The following CD22 variants were observed in gnomAD, a reference collection of about 807,000 sequenced individuals.
CD22 encodes B-cell receptor CD22.
CD22 carries 51 observed loss-of-function variants against 94.7 expected under a neutral mutation model. That is an observed-to-expected ratio of 0.54 (90% CI 0.43 to 0.68). The LOEUF is 0.68. Ranked by LOEUF, CD22 falls within the 30% of genes least tolerant of loss-of-function variation. The probability of loss-of-function intolerance (pLI) is 0.00; values close to 1 mark genes in which losing one functional copy is unlikely to be tolerated. For synonymous variants in CD22, 424 were observed against 422.5 expected (o/e 1.00, Z -0.04); for missense variants, 931 against 1,060.4 (o/e 0.88, Z 1.69).
intron 6 of CD22, among the ~76,000 whole-genome samples, chr19:35,340,500 G>A (rs1263443812): frequency 2.6e-5 from 4 of 152,110 alleles, no homozygotes; most frequent in Non-Finnish European, 4.4e-5. Context: ...GCCAGGTCTC[G>A]AACTCCTGAC....
chr19:35,332,738 C>A lies in CD22; in HGVS notation c.226C>A (p.Leu76Ile). Residue 76 changes from leucine (L) to isoleucine (I), a missense_variant, in exon 3 of 14, where the codon CTC becomes ATC. Transcript: ENST00000085219. Reference sequence around the variant, plus strand: ...CACCTCGAAGTTTGATGGGACAAGACTCTATGAAAGCACAAAGGATGGGAA... The same window carrying A: ...CACCTCGAAGTTTGATGGGACAAGAATCTATGAAAGCACAAAGGATGGGAA... ...KNTSKFDGTR[L>I]YESTKDGKVP... The A allele has an allele frequency of 1.2e-6, 2 of 1,614,168 alleles. No individual in the cohort carries two copies. Among genetic ancestry groups the A allele is most frequent in the African/African-American group, 2.7e-5 (2 of 75,048 alleles).
chr19:35,332,381 G>A (rs530544444), intron 2 of CD22, 166 bp from the exon 3 acceptor site: 120 of 737,812 alleles, frequency 1.6e-4, no homozygotes, highest in Non-Finnish European at 2.4e-4. Context: ...TGAGGCTGAG[G>A]TGGGAGGATC....
chr19:35,338,072 G>C, intron 5 of CD22, 51 bp downstream of exon 5: 1 of 1,578,216 alleles, frequency 6.3e-7, no homozygotes, highest in Non-Finnish European at 8.6e-7. Flanking sequence ...AGCAGGGGTG[G>C]ACCCGGAGAG....
At position 35,338,248 on chromosome 19, in the gene CD22, CTG is replaced by C. The variant is rs1406138630; in HGVS notation, c.1067_1068del (p.Leu356ArgfsTer56). ...GSQVEFLCMS[L>X]ANPLPTNYTW... is the part of the protein sequence containing the mutation. Reference sequence around the variant, plus strand: ...TCAAGTCGAGTTTCTTTGCATGTCACTGGCCAATCCTCTTCCAACAAATTACA... The same window carrying C: ...TCAAGTCGAGTTTCTTTGCATGTCACGCCAATCCTCTTCCAACAAATTACA... On this transcript the variant is annotated frameshift_variant, in exon 6 of 14. Transcript: ENST00000085219. LOFTEE classifies it high-confidence loss of function. 1 of 1,614,262 alleles carries C rather than the reference CTG, an allele frequency of 6.2e-7. No individual in the cohort carries two copies. Among genetic ancestry groups the C allele is most frequent in the Non-Finnish European group, 8.5e-7 (1 of 1,180,044 alleles).
In CD22 at chr19:35,341,305, G is replaced by C. The variant is rs367992182; in HGVS notation, c.1508-38G>C. ...AGGCCTGGGGACAGCAAAAGGGACAGGGAGCGGAGAGGTCAGCTTGGGACC... is the reference window on the plus strand; with the variant it reads ...AGGCCTGGGGACAGCAAAAGGGACACGGAGCGGAGAGGTCAGCTTGGGACC... On this transcript the variant is annotated intron_variant, in intron 7 of 13. Transcript: ENST00000085219. This position sits in a 1 kb window ranked among gnomAD's most constrained non-coding sequence, Gnocchi z 4.0. 7.3e-5 allele frequency: 118 copies of C among 1,605,988 alleles called. 3 individuals carry two copies. In the South Asian group the frequency reaches 1.1e-3, roughly 15 times the overall value.
At chr19:35,336,605 T>A in intron 4 of CD22, 2 of 496,188 alleles carry the variant, frequency 4.0e-6, no homozygotes, top group Non-Finnish European at 3.6e-6. Context: ...GGTGGGGATT[T>A]TTTTCGCATC....
chr19:35,342,105 TTCC>T, intron 9 of CD22, 140 bp downstream of exon 9: 13 of 674,928 alleles, frequency 1.9e-5, no homozygotes, highest in South Asian at 1.4e-4. Context: ...CCTCCTCCTC[TTCC>T]TCCTTCTTCT....
Position 35,346,800 on chromosome 19 carries a change from G to A in CD22, c.*103G>A, listed in dbSNP as rs1388487530. The A allele has an allele frequency of 6.1e-5, 55 of 907,660 alleles. No homozygotes were observed. The highest frequency in any genetic ancestry group is 4.4e-4 in the East Asian group (15 of 34,470). 56.2% of individuals were successfully genotyped at this position (907,660 alleles called of 1,614,324 possible). On this transcript the variant is annotated 3_prime_UTR_variant, in exon 14 of 14. Transcript: ENST00000085219. ...ATGGCTTCCTCCTGCGCGCATGTGC[G>A]CACACACACACACACACGCACACAC... is the stretch of plus-strand genomic sequence containing the variant.
chr19:35,334,551 G>T (rs1156839632), intron 3 of CD22, among the ~76,000 whole-genome samples: 5 of 152,182 alleles, frequency 3.3e-5, no homozygotes, highest in Non-Finnish European at 7.4e-5. Flanking sequence ...ACCGTTTCCC[G>T]GATGGGCAGT....
At chr19:35,334,516 A>G (rs1050957069) in intron 3 of CD22, among the ~76,000 whole-genome samples, 1 of 152,228 alleles carries the variant, frequency 6.6e-6, no homozygotes, top group African/African-American at 2.4e-5. Flanking sequence ...CCCCTGCCAC[A>G]GGGAGTGTGG....
intron 13 of CD22, 113 bp downstream of exon 13, chr19:35,346,348 C>A: frequency 8.9e-7 from 1 of 1,128,750 alleles, no homozygotes; most frequent in Non-Finnish European, 1.3e-6. Flanking sequence ...TCCGTGGTGG[C>A]AGAGGTTGGG....
At position 35,341,811 on chromosome 19, in the gene CD22, C is replaced by T. The variant is rs758739641; in HGVS notation, c.1881C>T (p.Tyr627=). The T allele has an allele frequency of 1.2e-6, 2 of 1,614,016 alleles. No individual in the cohort carries two copies. Among genetic ancestry groups the T allele is most frequent in the East Asian group, 2.2e-5 (1 of 44,886 alleles). The change falls in exon 9 of 14, where the codon TAC becomes TAT. Residue 627 remains tyrosine (Y), a synonymous_variant. Coordinates refer to ENST00000085219, the MANE Select transcript of CD22 (RefSeq NM_001771.4). This position sits in a 1 kb window ranked among gnomAD's most constrained non-coding sequence, Gnocchi z 4.0. ...ACGCCAACCCTCCCGTCTCCCACTA[C>T]ACCTGGTTTGACTGGAATAACCAAA... ...ESDANPPVSH[Y]TWFDWNNQSL...
rs368791394 is a variant in CD22, at chr19:35,332,593, G to A, written c.81G>A (p.Glu27=). ...CTGACTCAAGTAAATGGGTTTTTGA[G>A]CACCCTGAAACCCTCTACGCCTGGG... is the stretch of plus-strand genomic sequence containing the variant. The part of the protein sequence containing the change: ...AFSDSSKWVF[E]HPETLYAWEG... Residue 27 remains glutamate (E), a synonymous_variant, in exon 3 of 14, where the codon GAG becomes GAA. Transcript: ENST00000085219. The A allele has an allele frequency of 3.1e-5, 50 of 1,613,204 alleles. No homozygotes were observed. The highest frequency in any genetic ancestry group is 2.4e-4 in the East Asian group (11 of 44,904).
rs1481898779 is a variant in CD22, at chr19:35,341,715, G to A, written c.1785G>A (p.Arg595=). Residue 595 remains arginine (R), a synonymous_variant, in exon 9 of 14, where the codon AGG becomes AGA. Coordinates refer to ENST00000085219, the MANE Select transcript of CD22 (RefSeq NM_001771.4). The surrounding 1 kb of genome is among the most constrained non-coding windows in gnomAD (Gnocchi z 4.0). ...WTLEVLYAPR[R]LRVSMSPGDQ... ...CCCGCCATGCAGATGCACCCAGGAG[G>A]CTGCGTGTGTCCATGAGCCCGGGGG... The A allele has an allele frequency of 6.2e-7, 1 of 1,610,484 alleles. No homozygotes were observed. Among genetic ancestry groups the A allele is most frequent in the South Asian group, 1.1e-5 (1 of 91,066 alleles).
At chr19:35,338,515 G>T (rs185475553) in intron 6 of CD22, 84 bp downstream of exon 6, 2 of 1,444,072 alleles carry the variant, frequency 1.4e-6, no homozygotes, top group Non-Finnish European at 9.4e-7. Context: ...AGGGCATTCC[G>T]GGGTCCTGGA....
In CD22 at chr19:35,341,636, G is replaced by T. The variant is rs528883783; in HGVS notation, c.1771+30G>T. The T allele has an allele frequency of 6.2e-7, 1 of 1,607,654 alleles. No homozygotes were observed. The highest frequency in any genetic ancestry group is 1.3e-5 in the African/African-American group (1 of 74,886). On this transcript the variant is annotated intron_variant, in intron 8 of 13. Transcript: ENST00000085219. This position sits in a 1 kb window ranked among gnomAD's most constrained non-coding sequence, Gnocchi z 4.0. ...GTGAGGGCCGGAGGCTGGGAGTGGAGCAGAGAAGGGACCAGTGGCCTGCCT... is the reference window on the plus strand; with the variant it reads ...GTGAGGGCCGGAGGCTGGGAGTGGATCAGAGAAGGGACCAGTGGCCTGCCT...
intron 6 of CD22, among the ~76,000 whole-genome samples, chr19:35,340,667 C>A (rs538152263): frequency 1.6e-4 from 25 of 152,348 alleles, no homozygotes; most frequent in Admixed American, 2.6e-4. Flanking sequence ...CAGCGCTGTG[C>A]CCTGAACCCC....
chr19:35,341,852 G>A lies in CD22; in HGVS notation c.1922G>A (p.Ser641Asn), dbSNP rs1213758913. Residue 641 changes from serine (S) to asparagine (N), a missense_variant, in exon 9 of 14, where the codon AGC becomes AAC. Transcript: ENST00000085219. The surrounding 1 kb of genome is among the most constrained non-coding windows in gnomAD (Gnocchi z 4.0). ...DWNNQSLPYH[S>N]QKLRLEPVKV... ...AATAACCAAAGCCTCCCCTACCACA[G>A]CCAGAAGCTGAGATTGGAGCCGGTG... The A allele has an allele frequency of 6.2e-7, 1 of 1,614,110 alleles. No homozygotes were observed.
At chr19:35,333,232 T>G in intron 3 of CD22, 3 of 378,872 alleles carry the variant, frequency 7.9e-6, no homozygotes, top group Non-Finnish European at 1.4e-5. Context: ...TTGGCCTTAG[T>G]ACTGGAACCA....
Sources: gnomAD v4.1 joint callset for allele counts (sites outside exome capture counted in the v4.1 genomes callset) on GRCh38, gnomAD v4.1.1 for gene constraint, Gnocchi (gnomAD v3.1) non-coding constraint, MANE v1.5 for transcripts, NCBI Gene and HGNC (gene_info 2026-07-23, HGNC 2026-07-21) for gene names.